Variants in RNF182 observed in about 807,000 individuals in gnomAD.
The protein encoded by RNF182 is E3 ubiquitin-protein ligase RNF182.
RNF182 carries 15 observed loss-of-function variants against 14.4 expected under a neutral mutation model. The ratio of observed to expected loss-of-function variants is 1.04; its 90% CI spans 0.70 to 1.60. The LOEUF is 1.60. Among genes scored for constraint, RNF182 ranks in the 40% most tolerant of loss-of-function variants. The pLI is 0.00. For synonymous variants in RNF182, 128 were observed against 122.9 expected, an observed-to-expected ratio of 1.04 and a Z score of -0.27; for missense variants, 268 against 294.8, an observed-to-expected ratio of 0.91 and a Z score of 0.67.
At chr6:13,966,659 A>G (rs1255223188) in intron 1 of RNF182, among the ~76,000 whole-genome samples, 1 of 151,948 alleles carries the variant, frequency 6.6e-6, no homozygotes, top group East Asian at 1.9e-4. Flanking sequence ...GCTACTTGGG[A>G]GGCTGAGGCG....
chr6:13,947,915 A>T (rs969891630), intron 1 of RNF182, among the ~76,000 whole-genome samples: 6 of 152,234 alleles, frequency 3.9e-5, no homozygotes, highest in Admixed American at 3.3e-4. Context: ...ATATCACCAT[A>T]AGTTAAAAAT....
At chr6:13,949,408 A>G in intron 1 of RNF182, 1 of 740,382 alleles carries the variant, frequency 1.4e-6, no homozygotes, top group Non-Finnish European at 2.5e-6. Flanking sequence ...AAGGCAAGAG[A>G]AAGACTGTGA....
chr6:13,942,209 G>A (rs1561778147), intron 1 of RNF182, among the ~76,000 whole-genome samples: 1 of 152,080 alleles, frequency 6.6e-6, no homozygotes, highest in Admixed American at 6.5e-5. Context: ...TTTTTCCTCT[G>A]TGTGTTAAAA....
chr6:13,957,377 T>C (rs1759757629), intron 1 of RNF182, among the ~76,000 whole-genome samples: 1 of 152,224 alleles, frequency 6.6e-6, no homozygotes, highest in Non-Finnish European at 1.5e-5. Context: ...AAATTTAATC[T>C]ATAGTTCTTT....
At chr6:13,929,492 G>C (rs1231051275) in intron 1 of RNF182, among the ~76,000 whole-genome samples, 3 of 152,076 alleles carry the variant, frequency 2.0e-5, no homozygotes, top group African/African-American at 4.8e-5. Flanking sequence ...TTTTCTTCCT[G>C]TATATTGGTT....
rs918225935 is a variant in RNF182 at position 13,952,621 on chromosome 6, C to T, written c.-366-21589C>T. Among the ~76,000 whole-genome samples the T allele has an allele frequency of 6.6e-5, 10 of 152,024 alleles. No homozygotes were observed. In the East Asian group the frequency reaches 9.6e-4, roughly 15 times the overall value. On this transcript the variant is annotated intron_variant, in intron 1 of 2. Coordinates refer to ENST00000488300, the MANE Select transcript of RNF182 (RefSeq NM_152737.4). ...TCCTTTGGTTAAGTGGGGGTCTCTC[C>T]GGTATCATCCCTTCATGGCTCATCA...
chr6:13,933,655 C>G (rs1759031850), intron 1 of RNF182, among the ~76,000 whole-genome samples: 1 of 152,048 alleles, frequency 6.6e-6, no homozygotes, highest in African/African-American at 2.4e-5. Flanking sequence ...TCATTTTGCA[C>G]AAACTATTTC....
At chr6:13,953,615 AG>A (rs1759652893) in intron 1 of RNF182, among the ~76,000 whole-genome samples, 1 of 152,226 alleles carries the variant, frequency 6.6e-6, no homozygotes, top group South Asian at 2.1e-4. Context: ...GGCCACTTAG[AG>A]AAAGGAAATT....
At chr6:13,941,998 C>T (rs917534539) in intron 1 of RNF182, among the ~76,000 whole-genome samples, 1 of 152,084 alleles carries the variant, frequency 6.6e-6, no homozygotes, top group Non-Finnish European at 1.5e-5. Context: ...GAAGAACTCC[C>T]TTTAGTATTT....
chr6:13,944,956 G>A (rs972617511), intron 1 of RNF182, among the ~76,000 whole-genome samples: 2 of 152,104 alleles, frequency 1.3e-5, no homozygotes, highest in Non-Finnish European at 2.9e-5. Context: ...TGCTTACTAA[G>A]TGCCTGATCC....
chr6:13,967,957 T>C (rs576303941), intron 1 of RNF182, among the ~76,000 whole-genome samples: 1 of 152,292 alleles, frequency 6.6e-6, no homozygotes, highest in South Asian at 2.1e-4. Flanking sequence ...AGCTATGGGA[T>C]AGAGTGAAAG....
intron 1 of RNF182, among the ~76,000 whole-genome samples, chr6:13,931,535 C>T (rs1758968899): frequency 6.6e-6 from 1 of 152,074 alleles, no homozygotes; most frequent in African/African-American, 2.4e-5. Flanking sequence ...CTGGTGCATA[C>T]TTTCCTTGAT....
chr6:13,967,929 T>C (rs1485546442), intron 1 of RNF182, among the ~76,000 whole-genome samples: 1 of 152,062 alleles, frequency 6.6e-6, no homozygotes, highest in Admixed American at 6.5e-5. Flanking sequence ...CAATAAAAGG[T>C]ACACAATCTA....
Position 13,977,332 on chromosome 6 carries a change from G to T in RNF182, c.213G>T (p.Thr71=). 2 of 1,614,196 alleles carry T rather than the reference G, an allele frequency of 1.2e-6. No individual in the cohort carries two copies. The highest frequency in any genetic ancestry group is 1.7e-6 in the Non-Finnish European group (2 of 1,180,026). Residue 71 remains threonine (T), a synonymous_variant, in exon 3 of 3, where the codon ACG becomes ACT. Transcript: ENST00000488300. ...TCTGTCCTTTCTGCAGGTTTGAGAC[G>T]TGCCTGCCAGATGATGAAGTTAGTA... is the stretch of plus-strand genomic sequence containing the variant. The part of the protein sequence containing the change: ...VIVCPFCRFE[T]CLPDDEVSSL...
At chr6:13,960,566 C>T (rs1290859911) in intron 1 of RNF182, among the ~76,000 whole-genome samples, 1 of 152,086 alleles carries the variant, frequency 6.6e-6, no homozygotes, top group Non-Finnish European at 1.5e-5. Context: ...ACTTTTCTGT[C>T]AATCACAAAT....
chr6:13,925,471 T>A (rs769542720), intron 1 of RNF182: 2 of 152,242 alleles, frequency 1.3e-5, no homozygotes, highest in Non-Finnish European at 2.9e-5. Flanking sequence ...TACGAATCTC[T>A]GAAAAGTGAG....
At chr6:13,938,098 T>TCACGCCATTCTC (rs1200621289) in intron 1 of RNF182, among the ~76,000 whole-genome samples, 2 of 149,280 alleles carry the variant, frequency 1.3e-5, no homozygotes, top group Non-Finnish European at 3.0e-5. Context: ...CCTACCGGGT[T>TCACGCCATTCTC]CACGCCATTC....
At position 13,970,830 on chromosome 6, in the gene RNF182, C is replaced by T. The variant is rs779578742; in HGVS notation, c.-366-3380C>T. ...AAAAAGTAAGTTGATCCAAAATACG[C>T]GTTGGCAGAAAAATATACATTTTGA... is the stretch of plus-strand genomic sequence containing the variant. On this transcript the variant is annotated intron_variant, in intron 1 of 2. Transcript: ENST00000488300. Among the ~76,000 whole-genome samples the T allele has an allele frequency of 1.2e-4, 18 of 152,064 alleles. No homozygotes were observed. The East Asian group carries it at 1.4e-3, about 11-fold the overall frequency.
chr6:13,935,447 T>C (rs1759084379), intron 1 of RNF182, among the ~76,000 whole-genome samples: 1 of 152,176 alleles, frequency 6.6e-6, no homozygotes, highest in African/African-American at 2.4e-5. Flanking sequence ...CCAAATAAAT[T>C]ATTGTAGCTG....
Sources: allele counts gnomAD v4.1 joint callset (sites outside exome capture counted in the v4.1 genomes callset), GRCh38; gene constraint gnomAD v4.1.1; transcripts MANE v1.5; gene names NCBI Gene and HGNC (gene_info 2026-07-23, HGNC 2026-07-21).